VWA8: variants seen among roughly 807,000 people sequenced by gnomAD.
VWA8 encodes von Willebrand factor A domain containing 8, also known as von Willebrand factor A domain-containing protein 8.
A neutral mutation model predicts 241.5 loss-of-function variants in VWA8; 221 were observed. That is an observed-to-expected ratio of 0.91 (90% CI 0.82 to 1.02). The LOEUF (loss-of-function observed/expected upper bound fraction) is 1.02, where lower values mean the gene tolerates loss of function less well. VWA8 is among the 50% of genes least tolerant of loss of function. The pLI, the probability that VWA8 is intolerant of heterozygous loss-of-function variation, is 0.00. For synonymous variants in VWA8, 852 were observed against 827.1 expected, an observed-to-expected ratio of 1.03 and a Z score of -0.52; for missense variants, 2,322 against 2,328.7, an observed-to-expected ratio of 1.00 and a Z score of 0.06.
At chr13:41,708,834 C>A (rs1460978375) in intron 26 of VWA8, among the ~76,000 whole-genome samples, 1 of 152,202 alleles carries the variant, frequency 6.6e-6, no homozygotes, top group Admixed American at 6.5e-5. Context: ...TCACTCAGAG[C>A]CAAAGCAGAT....
At chr13:41,816,541 C>A (rs540903512) in intron 16 of VWA8, among the ~76,000 whole-genome samples, 157 bp downstream of exon 16, 25 of 152,130 alleles carry the variant, frequency 1.6e-4, no homozygotes, top group African/African-American at 5.5e-4. Flanking sequence ...TCACTGAAAT[C>A]GGAGTAAACC....
chr13:41,816,857 G>C, intron 15 of VWA8, 82 bp from the exon 16 acceptor site: 1 of 1,017,094 alleles, frequency 9.8e-7, no homozygotes. Flanking sequence ...TGACTACTTA[G>C]CAAATAATAT....
At chr13:41,853,808 G>A (rs182959554) in intron 12 of VWA8, among the ~76,000 whole-genome samples, 353 of 152,012 alleles carry the variant, frequency 2.3e-3, no homozygotes, top group South Asian at 5.6e-3. Flanking sequence ...TTAGTTACAC[G>A]GATCTTTTCT....
In VWA8 at chr13:41,598,704, C is replaced by G. The variant is rs542654425; in HGVS notation, c.4986+6464G>C. ...TCTTGGGTCACAAGAATTGTCTCTT[C>G]AAAATCCTGCAGACCTTGTTCCACT... On this transcript the variant is annotated intron_variant, in intron 40 of 44. Transcript: ENST00000379310. Among the ~76,000 whole-genome samples, 98 of 152,212 alleles carry G rather than the reference C, an allele frequency of 6.4e-4. 1 individual carries two copies. The South Asian group carries it at 0.015, about 23-fold the overall frequency.
chr13:41,593,823 C>T (rs778547342), intron 40 of VWA8, among the ~76,000 whole-genome samples: 1 of 152,108 alleles, frequency 6.6e-6, no homozygotes, highest in African/African-American at 2.4e-5. Context: ...TAAAAGAGAA[C>T]AGGGTGGCAG....
intron 4 of VWA8, among the ~76,000 whole-genome samples, chr13:41,904,171 A>T (rs1481381150): frequency 6.6e-6 from 1 of 152,252 alleles, no homozygotes; most frequent in Non-Finnish European, 1.5e-5. Flanking sequence ...TAAATAATTT[A>T]CTATAATGGT....
intron 17 of VWA8, among the ~76,000 whole-genome samples, chr13:41,791,247 G>A (rs1450634229): frequency 6.6e-6 from 1 of 151,796 alleles, no homozygotes; most frequent in African/African-American, 2.4e-5. Context: ...CTCAACAGAT[G>A]ATGCATAAAC....
In VWA8 at chr13:41,852,424, A is replaced by C. The variant is rs191454834; in HGVS notation, c.1425+13312T>G. Among the ~76,000 whole-genome samples the C allele has an allele frequency of 1.4e-3, 209 of 152,208 alleles. 3 individuals carry two copies. The highest frequency in any genetic ancestry group is 1.4e-3 in the Non-Finnish European group (97 of 68,004). ...GTTGATTGTTGGCTTTGCTGTGCAG[A>C]AGCTTTTTAAGTTTGATGCATTTAT... is the stretch of plus-strand genomic sequence containing the variant. On this transcript the variant is annotated intron_variant, in intron 12 of 44. Coordinates refer to ENST00000379310, the MANE Select transcript of VWA8 (RefSeq NM_015058.2).
intron 9 of VWA8, 122 bp from the exon 10 acceptor site, chr13:41,868,599 G>A (rs1432228876): frequency 8.1e-7 from 1 of 1,240,484 alleles, no homozygotes; most frequent in African/African-American, 1.5e-5. Context: ...AAAAGTAGAG[G>A]TTAGGCCAAG....
chr13:41,801,429 G>T (rs1217359523), intron 17 of VWA8, among the ~76,000 whole-genome samples: 1 of 151,926 alleles, frequency 6.6e-6, no homozygotes, highest in Admixed American at 6.5e-5. Flanking sequence ...GGTTATAGAG[G>T]GTAATAAAGA....
intron 26 of VWA8, among the ~76,000 whole-genome samples, chr13:41,711,674 A>G (rs1461740998): frequency 2.0e-5 from 3 of 152,152 alleles, no homozygotes; most frequent in Non-Finnish European, 4.4e-5. Context: ...GGAGATCGAG[A>G]CCATCCTAGC....
At chr13:41,871,806 T>A (rs958450565) in intron 9 of VWA8, among the ~76,000 whole-genome samples, 1 of 152,202 alleles carries the variant, frequency 6.6e-6, no homozygotes, top group Non-Finnish European at 1.5e-5. Context: ...TTTATAGTCC[T>A]TTGGGTATAT....
intron 9 of VWA8, among the ~76,000 whole-genome samples, chr13:41,875,706 A>C (rs186663186): frequency 6.6e-4 from 100 of 152,156 alleles, no homozygotes; most frequent in African/African-American, 2.2e-3. Flanking sequence ...CTTCTTGACC[A>C]GTACACAGTA....
chr13:41,661,269 A>G (rs1056471199), intron 37 of VWA8, among the ~76,000 whole-genome samples: 1 of 152,216 alleles, frequency 6.6e-6, no homozygotes, highest in Non-Finnish European at 1.5e-5. Context: ...ACTGACTTCT[A>G]TGGGAACCAA....
intron 12 of VWA8, among the ~76,000 whole-genome samples, chr13:41,841,848 TATATATATATAA>T (rs1473882898): frequency 0.012 from 952 of 81,910 alleles, 47 homozygotes; most frequent in African/African-American, 0.026. Flanking sequence ...TATATATATA[TATATATATATAA>T]AAACAGTAGA....
chr13:41,826,352 C>T (rs1007049758), intron 14 of VWA8, among the ~76,000 whole-genome samples: 3 of 152,092 alleles, frequency 2.0e-5, no homozygotes, highest in Non-Finnish European at 4.4e-5. Context: ...AAGTTAAGGA[C>T]AGACCAAGAT....
chr13:41,570,405 G>T, intron 44 of VWA8, 63 bp downstream of exon 44: 1 of 1,434,334 alleles, frequency 7.0e-7, no homozygotes, highest in Non-Finnish European at 9.7e-7. Flanking sequence ...CTATAAAACA[G>T]CATGTGTTAG....
At chr13:41,726,392 G>A (rs181850609) in intron 24 of VWA8, among the ~76,000 whole-genome samples, 1 of 152,240 alleles carries the variant, frequency 6.6e-6, no homozygotes, top group Non-Finnish European at 1.5e-5. Context: ...GCTTCACATT[G>A]AGTGTGAGAG....
At chr13:41,921,415 A>C (rs1229978443) in intron 2 of VWA8, among the ~76,000 whole-genome samples, 1 of 152,190 alleles carries the variant, frequency 6.6e-6, no homozygotes, top group African/African-American at 2.4e-5. Flanking sequence ...CCTATTCAAC[A>C]CAGTGTTGGA....
Sources: allele counts gnomAD v4.1 joint callset (sites outside exome capture counted in the v4.1 genomes callset), GRCh38; gene constraint gnomAD v4.1.1; transcripts MANE v1.5; gene names NCBI Gene and HGNC (gene_info 2026-07-23, HGNC 2026-07-21).